ATG10: variants seen among roughly 807,000 people sequenced by gnomAD.
ATG10 encodes the protein ubiquitin-like-conjugating enzyme ATG10.
ATG10 carries 30 observed loss-of-function variants against 32.1 expected under a neutral mutation model. That is an observed-to-expected ratio of 0.94 (90% CI 0.70 to 1.27). ATG10 has a LOEUF of 1.27. Among genes scored for constraint, ATG10 ranks in the 50% most tolerant of loss-of-function variants. ATG10 has a pLI of 0.00. For missense variants in ATG10, 233 were observed against 262.3 expected, an observed-to-expected ratio of 0.89 and a Z score of 0.77; for synonymous variants, 87 against 91.5, an observed-to-expected ratio of 0.95 and a Z score of 0.28.
At chr5:82,071,569 G>A (rs1049847354) in intron 3 of ATG10, among the ~76,000 whole-genome samples, 1 of 152,110 alleles carries the variant, frequency 6.6e-6, no homozygotes, top group Non-Finnish European at 1.5e-5. Flanking sequence ...ACTGCCAGAG[G>A]TATCTAGTAC....
At chr5:82,147,232 G>A in intron 3 of ATG10, 1 of 234,230 alleles carries the variant, frequency 4.3e-6, no homozygotes, top group South Asian at 4.1e-5. Context: ...GCAGTTGCGT[G>A]ATCTCAGCTC....
intron 3 of ATG10, among the ~76,000 whole-genome samples, chr5:82,059,205 T>G (rs761534669): frequency 1.3e-3 from 205 of 152,300 alleles, no homozygotes; most frequent in Non-Finnish European, 2.7e-3. Context: ...GATATTTTCA[T>G]TTTTCTTTTT....
chr5:81,984,443 G>A (rs1274006325), intron 1 of ATG10, among the ~76,000 whole-genome samples: 1 of 152,228 alleles, frequency 6.6e-6, no homozygotes, highest in Non-Finnish European at 1.5e-5. Context: ...GAGGGAGAGG[G>A]CGAGAGATTC....
At chr5:82,245,121 C>CTA (rs1181113387) in intron 5 of ATG10, among the ~76,000 whole-genome samples, 3 of 152,040 alleles carry the variant, frequency 2.0e-5, no homozygotes, top group Admixed American at 6.6e-5. Flanking sequence ...TAAAAGGATC[C>CTA]CAATAGTTTT....
chr5:82,120,956 C>G (rs186551010), intron 3 of ATG10, among the ~76,000 whole-genome samples: 1 of 152,050 alleles, frequency 6.6e-6, no homozygotes, highest in African/African-American at 2.4e-5. Context: ...TTTGAAAATC[C>G]TTTGAACTTT....
In ATG10 at chr5:82,058,404, C is replaced by T. The variant is rs941194163; in HGVS notation, c.109-91C>T. The T allele has an allele frequency of 5.7e-5, 51 of 887,456 alleles. No individual in the cohort carries two copies. The African/African-American group carries it at 6.1e-4, about 11-fold the overall frequency. 55.0% of individuals were successfully genotyped at this position (887,456 alleles called of 1,614,324 possible). On this transcript the variant is annotated intron_variant, in intron 2 of 7. Coordinates refer to ENST00000282185, the MANE Select transcript of ATG10 (RefSeq NM_031482.5). ...TTAGTACATTTAGTTTTTCACTGAT[C>T]AGTTTGGAACTTATGGGAAGTGGTT...
intron 3 of ATG10, among the ~76,000 whole-genome samples, chr5:82,113,103 G>T (rs1305542712): frequency 1.3e-5 from 2 of 151,824 alleles, no homozygotes; most frequent in African/African-American, 4.8e-5. Context: ...TTTAAATTAG[G>T]AGTGAGAAAA....
At chr5:81,990,113 T>A (rs1454717160) in intron 2 of ATG10, among the ~76,000 whole-genome samples, 4 of 152,184 alleles carry the variant, frequency 2.6e-5, no homozygotes. Flanking sequence ...TTGTGATAGT[T>A]CTCTCTATTA....
At chr5:82,180,981 G>T (rs943728319) in intron 5 of ATG10, among the ~76,000 whole-genome samples, 1 of 152,094 alleles carries the variant, frequency 6.6e-6, no homozygotes, top group Admixed American at 6.6e-5. Flanking sequence ...ACTCACCACT[G>T]AACCAATCTG....
Position 82,255,802 on chromosome 5 carries a change from G to T in ATG10, c.*1739G>T, listed in dbSNP as rs1034530340. The T allele has an allele frequency of 1.3e-5, 2 of 152,234 alleles. No individual in the cohort carries two copies. Among genetic ancestry groups the T allele is most frequent in the African/African-American group, 4.8e-5 (2 of 41,436 alleles). 9.4% of individuals were successfully genotyped at this position (152,234 alleles called of 1,614,324 possible). The stretch of plus-strand genomic sequence containing the variant: ...CTTCAGGTGAGGACATCATTCACCA[G>T]TGGATCACCGAGCACCGTGACAGCA... On this transcript the variant is annotated 3_prime_UTR_variant, in exon 8 of 8. Coordinates refer to ENST00000282185, the MANE Select transcript of ATG10 (RefSeq NM_031482.5).
intron 5 of ATG10, among the ~76,000 whole-genome samples, chr5:82,225,608 G>C (rs752696973): frequency 1.3e-5 from 2 of 152,228 alleles, no homozygotes; most frequent in Non-Finnish European, 2.9e-5. Flanking sequence ...GAATGTGGTT[G>C]TAACAGGGCT....
chr5:82,178,580 C>T lies in ATG10; in HGVS notation c.446C>T (p.Thr149Met), dbSNP rs548892230. Residue 149 changes from threonine (T) to methionine (M), a missense_variant, in exon 5 of 8, where the codon ACG becomes ATG. Transcript: ENST00000282185. Reference sequence around the variant, plus strand: ...CTACAGGGACCATGGGACACTATTACGCAACAGGTTGGAGAGTATTGTCAT... The same window carrying T: ...CTACAGGGACCATGGGACACTATTATGCAACAGGTTGGAGAGTATTGTCAT... ...RLLQGPWDTI[T>M]QQEHPILGQP... The T allele has an allele frequency of 1.8e-4, 283 of 1,603,114 alleles. No individual in the cohort carries two copies. The highest frequency in any genetic ancestry group is 5.0e-4 in the Middle Eastern group (3 of 6,032).
intron 5 of ATG10, among the ~76,000 whole-genome samples, chr5:82,200,751 T>A (rs1332553442): frequency 6.6e-6 from 1 of 151,572 alleles, no homozygotes; most frequent in African/African-American, 2.4e-5. Context: ...CTTTGGCGGA[T>A]ATGTTATGTA....
chr5:82,151,998 A>G (rs1156998880), intron 3 of ATG10, among the ~76,000 whole-genome samples: 1 of 152,224 alleles, frequency 6.6e-6, no homozygotes, highest in Non-Finnish European at 1.5e-5. Context: ...ACCTGAACCC[A>G]GATGTTTGAA....
intron 3 of ATG10, among the ~76,000 whole-genome samples, chr5:82,112,563 T>G (rs923625951): frequency 2.6e-5 from 4 of 151,930 alleles, no homozygotes; most frequent in African/African-American, 7.2e-5. Flanking sequence ...TATTGTACTT[T>G]AAGACCCTGA....
At chr5:82,183,611 A>G (rs7720328) in intron 5 of ATG10, among the ~76,000 whole-genome samples, 37,583 of 151,866 alleles carry the variant, frequency 0.25, 6,264 homozygotes, top group African/African-American at 0.48. Flanking sequence ...TATTGCCTAG[A>G]CCCATTAATT....
chr5:82,200,205 T>C (rs190114160), intron 5 of ATG10, among the ~76,000 whole-genome samples: 1 of 152,272 alleles, frequency 6.6e-6, no homozygotes, highest in Admixed American at 6.5e-5. Context: ...CCAGACTATT[T>C]TGCAAAGCAT....
intron 2 of ATG10, among the ~76,000 whole-genome samples, chr5:82,057,511 T>G (rs1435083275): frequency 1.3e-5 from 2 of 152,178 alleles, no homozygotes; most frequent in Non-Finnish European, 2.9e-5. Context: ...TCCCTGTTTG[T>G]GTCACTGCAT....
chr5:82,076,735 A>T (rs1406117376), intron 3 of ATG10, among the ~76,000 whole-genome samples: 1 of 152,236 alleles, frequency 6.6e-6, no homozygotes, highest in African/African-American at 2.4e-5. Flanking sequence ...AAGTAAAAAA[A>T]TTCATAGAAT....
Sources: gnomAD v4.1 joint callset for allele counts (sites outside exome capture counted in the v4.1 genomes callset) on GRCh38, gnomAD v4.1.1 for gene constraint, MANE v1.5 for transcripts, NCBI Gene and HGNC (gene_info 2026-07-23, HGNC 2026-07-21) for gene names.